Variants in TMEM232 observed in about 807,000 individuals in gnomAD.
The protein encoded by TMEM232 is transmembrane protein 232.
Under a neutral mutation model 78.8 loss-of-function variants are expected in TMEM232, and 80 were observed. That is an observed-to-expected ratio of 1.01 (90% CI 0.85 to 1.22). TMEM232 has a LOEUF of 1.22. TMEM232 is among the 50% of genes most tolerant of loss of function. The pLI is 0.00. For synonymous variants in TMEM232, 297 were observed against 254.3 expected (o/e 1.17, Z -1.60); for missense variants, 881 against 742.2 (o/e 1.19, Z -2.17).
At chr5:110,694,306 A>G (rs1580697055) in intron 1 of TMEM232, among the ~76,000 whole-genome samples, 1 of 152,194 alleles carries the variant, frequency 6.6e-6, no homozygotes. Flanking sequence ...TGAAGGAAGC[A>G]CTCAACATGG....
At chr5:110,625,246 C>G in intron 7 of TMEM232, 21 bp downstream of exon 7, 1 of 1,485,956 alleles carries the variant, frequency 6.7e-7, no homozygotes, top group Non-Finnish European at 9.0e-7. Context: ...CAGGATATAC[C>G]CACCATACCA....
intron 12 of TMEM232, among the ~76,000 whole-genome samples, chr5:110,442,106 G>T (rs1157467739): frequency 6.6e-6 from 1 of 151,880 alleles, no homozygotes; most frequent in African/African-American, 2.4e-5. Context: ...GTCTTCTTTG[G>T]GTTAAATCTC....
At chr5:110,483,834 G>T (rs1764177055) in intron 12 of TMEM232, among the ~76,000 whole-genome samples, 1 of 151,972 alleles carries the variant, frequency 6.6e-6, no homozygotes, top group South Asian at 2.1e-4. Flanking sequence ...AATTGATATT[G>T]TTCTACCAAA....
intron 10 of TMEM232, among the ~76,000 whole-genome samples, chr5:110,582,630 T>C (rs1399010427): frequency 6.6e-6 from 1 of 151,918 alleles, no homozygotes; most frequent in Non-Finnish European, 1.5e-5. Context: ...GTGATGTCTA[T>C]TTAACAGAGT....
At chr5:110,706,639 A>T (rs1380296347) in intron 1 of TMEM232, among the ~76,000 whole-genome samples, 1 of 152,160 alleles carries the variant, frequency 6.6e-6, no homozygotes, top group Non-Finnish European at 1.5e-5. Context: ...CTCAAGAATT[A>T]TTAAAAGTAC....
At chr5:110,603,492 A>C (rs1225863788) in intron 10 of TMEM232, among the ~76,000 whole-genome samples, 2 of 152,048 alleles carry the variant, frequency 1.3e-5, no homozygotes. Flanking sequence ...CTACCACTAG[A>C]AGTGAGGAAA....
At chr5:110,635,921 G>C (rs1044155762) in intron 5 of TMEM232, among the ~76,000 whole-genome samples, 1 of 151,890 alleles carries the variant, frequency 6.6e-6, no homozygotes, top group African/African-American at 2.4e-5. Flanking sequence ...TTATCTTTTA[G>C]GAAGATAAAG....
At chr5:110,437,714 C>T (rs895650691) in intron 12 of TMEM232, among the ~76,000 whole-genome samples, 2 of 151,968 alleles carry the variant, frequency 1.3e-5, no homozygotes, top group African/African-American at 4.8e-5. Flanking sequence ...CACCAGTTTT[C>T]CTTCTATAAT....
chr5:110,585,820 T>C (rs1186332278), intron 10 of TMEM232, among the ~76,000 whole-genome samples: 1 of 152,100 alleles, frequency 6.6e-6, no homozygotes, highest in Non-Finnish European at 1.5e-5. Flanking sequence ...GCTATTTTCC[T>C]GACATGTCCA....
At chr5:110,625,147 C>T in intron 7 of TMEM232, 120 bp downstream of exon 7, 2 of 1,108,210 alleles carry the variant, frequency 1.8e-6, no homozygotes, top group Non-Finnish European at 2.4e-6. Context: ...CACCCCTCCT[C>T]CACAGCTAAA....
chr5:110,557,865 C>A (rs190943028), intron 11 of TMEM232, among the ~76,000 whole-genome samples: 1 of 152,166 alleles, frequency 6.6e-6, no homozygotes, highest in East Asian at 1.9e-4. Flanking sequence ...ATCAAAGACA[C>A]TCTGGCTTTT....
At chr5:110,692,567 CA>C (rs1472775546) in intron 1 of TMEM232, among the ~76,000 whole-genome samples, 1 of 152,200 alleles carries the variant, frequency 6.6e-6, no homozygotes, top group Non-Finnish European at 1.5e-5. Context: ...AAAGGGGTGA[CA>C]GATGGCACAT....
chr5:110,687,341 A>C (rs1793543963), intron 1 of TMEM232, among the ~76,000 whole-genome samples: 1 of 152,106 alleles, frequency 6.6e-6, no homozygotes, highest in Admixed American at 6.6e-5. Flanking sequence ...GGGCAACTTG[A>C]ATCTGTCTCT....
Position 110,645,445 on chromosome 5 carries a change from T to C in TMEM232, c.126-3074A>G, listed in dbSNP as rs1229584260. Among the ~76,000 whole-genome samples the C allele has an allele frequency of 4.8e-5, 7 of 144,822 alleles. No individual in the cohort carries two copies. The East Asian group carries it at 7.9e-4, about 16-fold the overall frequency. ...CATACAAAAATAAATCAGTGTAATA[T>C]ACCATATTACCAAAAAAAAAAAAAA... On this transcript the variant is annotated intron_variant, in intron 2 of 13. Coordinates refer to ENST00000455884, the MANE Select transcript of TMEM232 (RefSeq NM_001039763.4).
intron 12 of TMEM232, among the ~76,000 whole-genome samples, chr5:110,493,976 T>G (rs1765389656): frequency 6.6e-6 from 1 of 152,040 alleles, no homozygotes. Flanking sequence ...TTCCCCTGCC[T>G]GTGTCCATAT....
intron 8 of TMEM232, among the ~76,000 whole-genome samples, chr5:110,607,742 T>C (rs999333722): frequency 1.4e-4 from 21 of 151,954 alleles, no homozygotes; most frequent in Admixed American, 1.3e-3. Flanking sequence ...GACTTCCAGG[T>C]AAGCTATTAT....
At chr5:110,640,556 TGAA>T (rs1346184112) in intron 4 of TMEM232, among the ~76,000 whole-genome samples, 5 of 152,114 alleles carry the variant, frequency 3.3e-5, no homozygotes, top group Non-Finnish European at 7.4e-5. Context: ...AATTATAAAA[TGAA>T]GAAGCAAATT....
intron 10 of TMEM232, among the ~76,000 whole-genome samples, chr5:110,601,332 C>T (rs765685232): frequency 3.9e-5 from 6 of 152,044 alleles, no homozygotes; most frequent in African/African-American, 1.4e-4. Context: ...AAATGAAGGG[C>T]ATTCAAATAG....
intron 12 of TMEM232, among the ~76,000 whole-genome samples, chr5:110,468,504 A>G (rs1762334093): frequency 6.6e-6 from 1 of 152,124 alleles, no homozygotes; most frequent in Non-Finnish European, 1.5e-5. Context: ...TTAAATATCA[A>G]TGTAAAAGGA....
Sources: gnomAD v4.1 joint callset for allele counts (sites outside exome capture counted in the v4.1 genomes callset) on GRCh38, gnomAD v4.1.1 for gene constraint, MANE v1.5 for transcripts, NCBI Gene and HGNC (gene_info 2026-07-23, HGNC 2026-07-21) for gene names.